GAREM1: variants seen among roughly 807,000 people sequenced by gnomAD.
The protein encoded by GAREM1 is GRB2 associated regulator of MAPK1 subtype 1, also known as GRB2-associated and regulator of MAPK protein 1.
GAREM1 carries 26 observed loss-of-function variants against 71.3 expected under a neutral mutation model. The observed-to-expected ratio is 0.36, with a 90% confidence interval of 0.27 to 0.51. The LOEUF (loss-of-function observed/expected upper bound fraction) is 0.51. Ranked by LOEUF, GAREM1 falls within the 20% of genes least tolerant of loss-of-function variation. GAREM1 has a pLI of 0.95. For missense variants in GAREM1, 1,026 were observed against 1,103.1 expected (o/e 0.93, Z 0.99); for synonymous variants, 440 against 433.2 (o/e 1.02, Z -0.20).
intron 2 of GAREM1, among the ~76,000 whole-genome samples, chr18:32,358,129 C>G (rs1404205869): frequency 8.5e-6 from 1 of 116,990 alleles, no homozygotes; most frequent in East Asian, 3.1e-4. Context: ...AGCCCACCCC[C>G]CACCCCGAGT....
At position 32,264,023 on chromosome 18, in the gene GAREM1, A is replaced by C. The variant is rs558940652; in HGVS notation, c.*3848T>G. ...TTTATTCCTTGTTTCTGGCTATCAC[A>C]ATGAGACAAATTTTAAAACACCAAG... On this transcript the variant is annotated 3_prime_UTR_variant, in exon 6 of 6. Transcript: ENST00000269209. 1 of 152,286 alleles carries C rather than the reference A, an allele frequency of 6.6e-6. No homozygotes were observed. Among genetic ancestry groups the C allele is most frequent in the East Asian group, 1.9e-4 (1 of 5,180 alleles). The allele number at this position is 152,286 out of a possible 1,614,324, so 9.4% of individuals were successfully genotyped here. A position where few individuals can be genotyped will look rare whatever the true frequency, so the allele number is the denominator to read the frequency against.
Position 32,325,192 on chromosome 18 carries a change from C to T in GAREM1, c.263-14869G>A, listed in dbSNP as rs879606078. On this transcript the variant is annotated intron_variant, in intron 2 of 5. Coordinates refer to ENST00000269209, the MANE Select transcript of GAREM1 (RefSeq NM_001242409.2). Reference sequence around the variant, plus strand: ...CAGGTTGGTCTTGAACTCCTGACCTCGTGATCCACCTGCCTCGGCCTCCCA... The same window carrying T: ...CAGGTTGGTCTTGAACTCCTGACCTTGTGATCCACCTGCCTCGGCCTCCCA... 9.9e-5 allele frequency among the ~76,000 whole-genome samples: 15 copies of T among 152,218 alleles called. No homozygotes were observed. In the East Asian group the frequency reaches 1.7e-3, roughly 18 times the overall value.
At position 32,470,571 on chromosome 18, in the gene GAREM1, G is replaced by A; in HGVS notation, c.-143C>T. The A allele has an allele frequency of 2.2e-6, 1 of 456,348 alleles. No individual in the cohort carries two copies. Among genetic ancestry groups the A allele is most frequent in the Non-Finnish European group, 2.9e-6 (1 of 349,026 alleles). The allele number at this position is 456,348 out of a possible 1,614,324, so 28.3% of individuals were successfully genotyped here. On this transcript the variant is annotated 5_prime_UTR_variant, in exon 1 of 6. Transcript: ENST00000269209. The surrounding 1 kb of genome is among the most constrained non-coding windows in gnomAD (Gnocchi z 4.4). Reference sequence around the variant, plus strand: ...TCCGGCCGCGGGCAGCCGGGGGGGCGCGGCGACTGGGGCGGCCCGGAGGGA... The same window carrying A: ...TCCGGCCGCGGGCAGCCGGGGGGGCACGGCGACTGGGGCGGCCCGGAGGGA...
intron 3 of GAREM1, among the ~76,000 whole-genome samples, chr18:32,293,222 A>G (rs1411528386): frequency 6.6e-6 from 1 of 152,158 alleles, no homozygotes; most frequent in African/African-American, 2.4e-5. Flanking sequence ...ACACTGCCCA[A>G]ATCATTCCCC....
intron 3 of GAREM1, among the ~76,000 whole-genome samples, chr18:32,289,207 T>C (rs1281298279): frequency 6.6e-6 from 1 of 152,158 alleles, no homozygotes; most frequent in African/African-American, 2.4e-5. Flanking sequence ...CCCTCCCAAG[T>C]ATCTGAGACT....
At chr18:32,416,507 A>G (rs2048468159) in intron 1 of GAREM1, among the ~76,000 whole-genome samples, 1 of 152,184 alleles carries the variant, frequency 6.6e-6, no homozygotes, top group African/African-American at 2.4e-5. Flanking sequence ...ACAGCATGGT[A>G]CTGGCATAAC....
At chr18:32,352,441 G>C (rs1368209682) in intron 2 of GAREM1, among the ~76,000 whole-genome samples, 2 of 152,140 alleles carry the variant, frequency 1.3e-5, no homozygotes, top group Non-Finnish European at 2.9e-5. Flanking sequence ...GTCACTCCTG[G>C]GGATTTGTGG....
chr18:32,368,717 CT>C (rs1267073647), intron 2 of GAREM1, among the ~76,000 whole-genome samples: 3 of 152,192 alleles, frequency 2.0e-5, no homozygotes, highest in Non-Finnish European at 4.4e-5. Context: ...GCCCTACATA[CT>C]TTTCTAGCTC....
At chr18:32,282,007 C>A (rs2046956853) in intron 4 of GAREM1, among the ~76,000 whole-genome samples, 1 of 152,160 alleles carries the variant, frequency 6.6e-6, no homozygotes, top group Non-Finnish European at 1.5e-5. Flanking sequence ...AAAAGCACCC[C>A]CACTGAGCAC....
intron 2 of GAREM1, among the ~76,000 whole-genome samples, chr18:32,386,040 G>A (rs1203249108): frequency 2.0e-5 from 3 of 151,922 alleles, no homozygotes; most frequent in Non-Finnish European, 2.9e-5. Flanking sequence ...TTTCTTAATG[G>A]CAAAAAATGG....
intron 2 of GAREM1, among the ~76,000 whole-genome samples, chr18:32,351,711 T>G (rs2047754609): frequency 6.6e-6 from 1 of 152,078 alleles, no homozygotes; most frequent in African/African-American, 2.4e-5. Flanking sequence ...CTTTTTTTTT[T>G]TTTTACTTAC....
At position 32,391,464 on chromosome 18, in the gene GAREM1, G is replaced by A. The variant is rs373546322; in HGVS notation, c.262+1431C>T. Among the ~76,000 whole-genome samples the A allele has an allele frequency of 5.3e-5, 8 of 152,242 alleles. No homozygotes were observed. In the East Asian group the frequency reaches 5.8e-4, roughly 11 times the overall value. The stretch of plus-strand genomic sequence containing the variant: ...ACAGAGCTTTTCACAGCGCTTTTGC[G>A]GGAAAGACTAAAACGTAATTTCCTC... On this transcript the variant is annotated intron_variant, in intron 2 of 5. Transcript: ENST00000269209.
chr18:32,352,147 C>A (rs986314879), intron 2 of GAREM1, among the ~76,000 whole-genome samples: 2 of 152,082 alleles, frequency 1.3e-5, no homozygotes, highest in African/African-American at 4.8e-5. Flanking sequence ...AGGCAGCCAC[C>A]CATTTACAAA....
intron 1 of GAREM1, among the ~76,000 whole-genome samples, chr18:32,424,101 G>A (rs971739392): frequency 3.3e-5 from 5 of 151,188 alleles, no homozygotes; most frequent in South Asian, 4.2e-4. Flanking sequence ...ATGCTGCTGC[G>A]ATCCAGCCCA....
chr18:32,363,722 G>C (rs1426850352), intron 2 of GAREM1, among the ~76,000 whole-genome samples: 1 of 151,748 alleles, frequency 6.6e-6, no homozygotes, highest in African/African-American at 2.4e-5. Context: ...AACTTTTTGA[G>C]ACAAAGCCTT....
intron 4 of GAREM1, among the ~76,000 whole-genome samples, chr18:32,279,813 T>C (rs1221511361): frequency 6.6e-6 from 1 of 152,184 alleles, no homozygotes; most frequent in Non-Finnish European, 1.5e-5. Context: ...CTTATTATCA[T>C]TCTAATCATT....
intron 1 of GAREM1, among the ~76,000 whole-genome samples, chr18:32,421,754 A>G (rs1356202938): frequency 6.6e-6 from 1 of 152,084 alleles, no homozygotes; most frequent in Non-Finnish European, 1.5e-5. Flanking sequence ...CTCCTCTGTC[A>G]TATTTGCAAG....
At chr18:32,325,572 A>C (rs1232708046) in intron 2 of GAREM1, among the ~76,000 whole-genome samples, 1 of 152,004 alleles carries the variant, frequency 6.6e-6, no homozygotes, top group Non-Finnish European at 1.5e-5. Flanking sequence ...AAGGAAGGCA[A>C]CTCCTTAAAG....
At chr18:32,337,934 C>A (rs530624843) in intron 2 of GAREM1, among the ~76,000 whole-genome samples, 2 of 152,232 alleles carry the variant, frequency 1.3e-5, no homozygotes, top group Non-Finnish European at 2.9e-5. Context: ...AAAACACATT[C>A]GCTAACTAAC....
Sources: gnomAD v4.1 joint callset for allele counts (sites outside exome capture counted in the v4.1 genomes callset) on GRCh38, gnomAD v4.1.1 for gene constraint, Gnocchi (gnomAD v3.1) non-coding constraint, MANE v1.5 for transcripts, NCBI Gene and HGNC (gene_info 2026-07-23, HGNC 2026-07-21) for gene names.